The following ZNF786 variants were observed in gnomAD, a reference collection of about 807,000 sequenced individuals.
The protein encoded by ZNF786 is zinc finger protein 786.
Under a neutral mutation model 63.1 loss-of-function variants are expected in ZNF786, and 56 were observed. The observed-to-expected ratio is 0.89, with a 90% CI of 0.72 to 1.11. ZNF786 has a LOEUF of 1.11. ZNF786 is among the 50% of genes least tolerant of loss of function. The pLI, the probability that ZNF786 is intolerant of heterozygous loss-of-function variation, is 0.00. For missense variants in ZNF786, 1,213 were observed against 1,041.8 expected (o/e 1.16, Z -2.26); for synonymous variants, 485 against 406.9 (o/e 1.19, Z -2.31).
chr7:149,083,486 A>T (rs1300704509), intron 1 of ZNF786, among the ~76,000 whole-genome samples: 1 of 152,180 alleles, frequency 6.6e-6, no homozygotes, highest in Non-Finnish European at 1.5e-5. Flanking sequence ...CAGTGCTAGG[A>T]TTACAGGCGT....
Position 149,071,194 on chromosome 7 carries a change from C to T in ZNF786, c.1578G>A (p.Glu526=), listed in dbSNP as rs1239496348. The change falls in exon 4 of 4, where the codon GAG becomes GAA. Residue 526 remains glutamate (E), a synonymous_variant. Coordinates refer to ENST00000491431, the MANE Select transcript of ZNF786 (RefSeq NM_152411.4). ...TCTCCCCGCTGTGCACTCTCAGGTG[C>T]TCACGGAGCTTGCACTGGTGGGTGA... ...RGFTHQCKLR[E]HLRVHSGERP... is the part of the protein sequence containing the mutation. 5 of 1,611,112 alleles carry T rather than the reference C, an allele frequency of 3.1e-6. No individual in the cohort carries two copies. Among genetic ancestry groups the T allele is most frequent in the Non-Finnish European group, 4.2e-6 (5 of 1,178,460 alleles).
chr7:149,071,639 G>T lies in ZNF786; in HGVS notation c.1133C>A (p.Ser378Tyr), dbSNP rs772251125. Residue 378 changes from serine (S) to tyrosine (Y), a missense_variant, in exon 4 of 4, where the codon TCC (serine) becomes TAC (tyrosine). Physicochemically the swap from Ser to Tyr is moderately radical, Grantham distance 144 (BLOSUM62 -2). Transcript: ENST00000491431. ...GCTGGCGAGCCTGGCGCTCATAGGG[G>T]AGCGCTCGCCACACTCCGAGCAGGA... ...PCSCSECGER[S>Y]PMSARLASPC... 1 of 1,578,142 alleles carries T rather than the reference G, an allele frequency of 6.3e-7. No individual in the cohort carries two copies.
chr7:149,085,461 G>A (rs770308827), intron 1 of ZNF786, among the ~76,000 whole-genome samples: 37 of 152,164 alleles, frequency 2.4e-4, no homozygotes, highest in Non-Finnish European at 3.4e-4. Flanking sequence ...CATGCCTGTA[G>A]TCCTAGCTAC....
chr7:149,077,625 C>G (rs528846020), intron 2 of ZNF786, among the ~76,000 whole-genome samples: 2 of 151,760 alleles, frequency 1.3e-5, no homozygotes, highest in East Asian at 3.9e-4. Context: ...GAGACTCCTT[C>G]TCAAAAATAA....
At chr7:149,074,299 T>G (rs1287623318) in intron 3 of ZNF786, 87 bp downstream of exon 3, 1 of 1,509,266 alleles carries the variant, frequency 6.6e-7, no homozygotes. Flanking sequence ...AACCTCAGCT[T>G]GCCCAAACAG....
intron 1 of ZNF786, among the ~76,000 whole-genome samples, chr7:149,089,097 G>A (rs1649922796): frequency 6.6e-6 from 1 of 150,652 alleles, no homozygotes; most frequent in East Asian, 2.0e-4. Context: ...ACAGGCTCCC[G>A]CCCACACGCC....
chr7:149,072,925 G>A (rs1285710941), intron 3 of ZNF786, among the ~76,000 whole-genome samples: 1 of 152,164 alleles, frequency 6.6e-6, no homozygotes, highest in Non-Finnish European at 1.5e-5. Flanking sequence ...TTTAAGTGTT[G>A]GCTGTTCTCA....
intron 1 of ZNF786, among the ~76,000 whole-genome samples, chr7:149,082,721 CAT>C (rs1825673810): frequency 1.3e-5 from 2 of 151,446 alleles, no homozygotes; most frequent in Admixed American, 1.3e-4. Context: ...GCTGGGACTA[CAT>C]GTGTGCACCA....
At chr7:149,083,877 T>C (rs931339921) in intron 1 of ZNF786, among the ~76,000 whole-genome samples, 1 of 152,222 alleles carries the variant, frequency 6.6e-6, no homozygotes, top group Non-Finnish European at 1.5e-5. Flanking sequence ...ATTTTCTTTA[T>C]GGCTGCATAG....
chr7:149,072,570 C>A, intron 3 of ZNF786, 97 bp from the exon 4 acceptor site: 1 of 1,393,568 alleles, frequency 7.2e-7, no homozygotes, highest in Admixed American at 2.8e-5. Flanking sequence ...TTGTGGTGGC[C>A]TGGGAACCCA....
At chr7:149,090,492 A>G in intron 1 of ZNF786, 131 bp downstream of exon 1, 1 of 1,058,182 alleles carries the variant, frequency 9.5e-7, no homozygotes, top group Non-Finnish European at 1.2e-6. Context: ...CCCCAGCAGA[A>G]GCAGCCTGCA....
In ZNF786 at chr7:149,071,017, G is replaced by A. The variant is rs1324171010; in HGVS notation, c.1755C>T (p.Arg585=). Residue 585 remains arginine, a synonymous_variant, in exon 4 of 4, where the codon CGC becomes CGT. Transcript: ENST00000491431. Reference sequence around the variant, plus strand: ...GGAAGGGTCTCTCCCCGCTGTGCACGCGCAAGTGCTCCGTGAGCTTGGATT... The same window carrying A: ...GGAAGGGTCTCTCCCCGCTGTGCACACGCAAGTGCTCCGTGAGCTTGGATT... ...TRQSKLTEHL[R]VHSGERPFQC... 10 of 1,609,642 alleles carry A rather than the reference G, an allele frequency of 6.2e-6. No individual in the cohort carries two copies. The highest frequency in any genetic ancestry group is 4.5e-5 in the East Asian group (2 of 44,736).
rs778327713 is a variant in ZNF786, at chr7:149,071,543, C to A, written c.1229G>T (p.Arg410Leu). 2.5e-6 allele frequency: 4 copies of A among 1,613,058 alleles called. No homozygotes were observed. Among genetic ancestry groups the A allele is most frequent in the Non-Finnish European group, 2.5e-6 (3 of 1,179,856 alleles). The change falls in exon 4 of 4, where the codon CGC becomes CTC. Residue 410 changes from arginine to leucine, a missense_variant. Arg to Leu is a moderately radical substitution (Grantham distance 102). Coordinates refer to ENST00000491431, the MANE Select transcript of ZNF786 (RefSeq NM_152411.4). Reference protein sequence around the residue: ...AHCTKRFRLRRLLQVHQHAHG... With the variant: ...AHCTKRFRLRLLLQVHQHAHG... The stretch of plus-strand genomic sequence containing the variant: ...CGCGTGCTGGTGGACCTGCAGCAGG[C>A]GGCGCAGGCGGAAGCGCTTGGTGCA...
intron 2 of ZNF786, among the ~76,000 whole-genome samples, chr7:149,078,829 G>A (rs778840920): frequency 1.3e-5 from 2 of 152,160 alleles, no homozygotes; most frequent in Non-Finnish European, 2.9e-5. Flanking sequence ...TATACTGAAT[G>A]AGTCAGATGA....
chr7:149,090,560 C>A, intron 1 of ZNF786, 63 bp downstream of exon 1: 2 of 1,479,316 alleles, frequency 1.4e-6, no homozygotes, highest in Non-Finnish European at 1.8e-6. Flanking sequence ...CACGGGCGAG[C>A]CCGGAACCCG....
At chr7:149,077,909 T>C (rs56246959) in intron 2 of ZNF786, among the ~76,000 whole-genome samples, 91,762 of 149,650 alleles carry the variant, frequency 0.61, 29,209 homozygotes, top group East Asian at 0.9. Context: ...GTTGCCCAGG[T>C]TGGAGTGCAA....
In ZNF786 at chr7:149,071,787, C is replaced by G. The variant is rs754897334; in HGVS notation, c.985G>C (p.Gly329Arg). 6.3e-7 allele frequency: 1 copy of G among 1,582,338 alleles called. No homozygotes were observed. The highest frequency in any genetic ancestry group is 2.3e-5 in the East Asian group (1 of 44,428). Residue 329 changes from glycine to arginine, a missense_variant, in exon 4 of 4, where the codon GGC (glycine) becomes CGC (arginine). Physicochemically the swap from Gly to Arg is moderately radical, Grantham distance 125. Coordinates refer to ENST00000491431, the MANE Select transcript of ZNF786 (RefSeq NM_152411.4). The part of the protein sequence containing the change: ...SREGPASWRE[G>R]RGASSSVHSG... ...TGCACACTGCTGGAGGCCCCGCGGC[C>G]TTCTCTCCAAGAGGCCGGCCCCTCC... is the stretch of plus-strand genomic sequence containing the variant.
intron 2 of ZNF786, among the ~76,000 whole-genome samples, chr7:149,074,913 T>C (rs904682374): frequency 6.6e-6 from 1 of 152,126 alleles, no homozygotes; most frequent in African/African-American, 2.4e-5. Context: ...CAATCATGGC[T>C]CACTGTAGCC....
At chr7:149,084,335 G>A (rs1331039819) in intron 1 of ZNF786, among the ~76,000 whole-genome samples, 1 of 124,036 alleles carries the variant, frequency 8.1e-6, no homozygotes, top group Non-Finnish European at 1.6e-5. Context: ...CTGGACAACA[G>A]AGCAAAACTG....
Sources: allele counts gnomAD v4.1 joint callset (sites outside exome capture counted in the v4.1 genomes callset), GRCh38; gene constraint gnomAD v4.1.1; transcripts MANE v1.5; gene names NCBI Gene and HGNC (gene_info 2026-07-23, HGNC 2026-07-21).